The following KLF17 variants were observed in gnomAD, a reference collection of about 807,000 sequenced individuals.
The protein encoded by KLF17 is KLF transcription factor 17, also known as Krueppel-like factor 17.
KLF17 carries 31 observed loss-of-function variants against 34.2 expected under a neutral mutation model. That is an observed-to-expected ratio of 0.91 (90% CI 0.68 to 1.22). The LOEUF is 1.22. Among genes scored for constraint, KLF17 ranks in the 50% most tolerant of loss-of-function variants. The pLI is 0.00. For synonymous variants in KLF17, 179 were observed against 186.7 expected (o/e 0.96, Z 0.34); for missense variants, 478 against 505.2 (o/e 0.95, Z 0.52).
chr1:44,087,878 C>T, the KLF17 span: 1 of 153,548 alleles, frequency 6.5e-6, no homozygotes, highest in Non-Finnish European at 1.4e-5. Flanking sequence ...TGTTTAATGG[C>T]AAACCTTGGC....
At chr1:44,063,137 A>G in the KLF17 span, among the ~76,000 whole-genome samples, 1 of 152,214 alleles carries the variant, frequency 6.6e-6, no homozygotes, top group Non-Finnish European at 1.5e-5. Flanking sequence ...GAGGTCAGAT[A>G]CAAAAGAATA....
At chr1:44,060,705 A>G in the KLF17 span, among the ~76,000 whole-genome samples, 7 of 152,272 alleles carry the variant, frequency 4.6e-5, no homozygotes, top group Admixed American at 3.3e-4. Flanking sequence ...AACCCTAAAG[A>G]ACCCTAAAGA....
chr1:44,073,712 C>T, the KLF17 span, among the ~76,000 whole-genome samples: 1 of 152,076 alleles, frequency 6.6e-6, no homozygotes, highest in Non-Finnish European at 1.5e-5. Flanking sequence ...CTGCTGCACT[C>T]CCCTGGGGAG....
intron 1 of KLF17, chr1:44,122,135 CAG>C: frequency 1.4e-6 from 2 of 1,456,372 alleles, no homozygotes; most frequent in Admixed American, 3.6e-5. Context: ...GACTTTGAAA[CAG>C]TAATCCTGAG....
the KLF17 span, among the ~76,000 whole-genome samples, chr1:44,098,358 T>A: frequency 6.6e-6 from 1 of 152,028 alleles, no homozygotes; most frequent in Non-Finnish European, 1.5e-5. Flanking sequence ...CTTTTTTAAT[T>A]AGTCTATCTA....
the KLF17 span, chr1:44,048,229 T>C: frequency 1.3e-5 from 2 of 152,016 alleles, no homozygotes; most frequent in Non-Finnish European, 2.9e-5. Context: ...TAGACTAAGG[T>C]GACTTAAGTA....
intron 1 of KLF17, 143 bp downstream of exon 1, chr1:44,119,131 G>A: frequency 2.7e-6 from 1 of 367,214 alleles, no homozygotes; most frequent in South Asian, 2.9e-5. Flanking sequence ...GCAAAGGAAG[G>A]AATGGGAGAT....
At chr1:44,121,136 G>T (rs927106958) in intron 1 of KLF17, among the ~76,000 whole-genome samples, 7 of 152,048 alleles carry the variant, frequency 4.6e-5, no homozygotes, top group African/African-American at 1.7e-4. Context: ...TTTCTTTTGA[G>T]ACAGGGTCTT....
the KLF17 span, among the ~76,000 whole-genome samples, chr1:44,063,152 C>G: frequency 3.5e-4 from 53 of 152,142 alleles, no homozygotes; most frequent in African/African-American, 1.2e-3. Flanking sequence ...AGAATACACA[C>G]TGTATGATTG....
the KLF17 span, chr1:44,104,456 G>C: frequency 6.2e-6 from 5 of 802,422 alleles, no homozygotes; most frequent in African/African-American, 8.4e-5. Flanking sequence ...GCACCTTGTC[G>C]ATGAAGGAGG....
At chr1:44,115,023 A>T (rs1028978797), upstream of KLF17, 1 of 152,230 alleles carries the variant, frequency 6.6e-6, no homozygotes, top group Non-Finnish European at 1.5e-5. Flanking sequence ...TATTAGACAC[A>T]TCCAAGTTTA....
At chr1:44,094,037 A>G in the KLF17 span, among the ~76,000 whole-genome samples, 1 of 152,222 alleles carries the variant, frequency 6.6e-6, no homozygotes, top group Non-Finnish European at 1.5e-5. Context: ...TTTTGATCAA[A>G]CAATATTCGC....
chr1:44,106,345 T>A, the KLF17 span: 11 of 152,614 alleles, frequency 7.2e-5, no homozygotes, highest in African/African-American at 2.4e-4. Flanking sequence ...ATCGCTATCT[T>A]CATTTCTGTC....
chr1:44,052,903 A>AT, the KLF17 span, among the ~76,000 whole-genome samples: 4,511 of 140,828 alleles, frequency 0.032, 59 homozygotes, highest in Middle Eastern at 0.1. Flanking sequence ...CCTAGGCAGG[A>AT]TTTTTTTTTT....
At chr1:44,114,226 C>T (rs2087860417), upstream of KLF17, 1 of 152,166 alleles carries the variant, frequency 6.6e-6, no homozygotes, top group African/African-American at 2.4e-5. Context: ...GAAACTAATC[C>T]TCTGAGGTGC....
chr1:44,122,286 A>T, intron 1 of KLF17: 1 of 1,602,606 alleles, frequency 6.2e-7, no homozygotes, highest in Non-Finnish European at 8.5e-7. Flanking sequence ...TAGTGTATCC[A>T]GAGGTAAACT....
the KLF17 span, among the ~76,000 whole-genome samples, chr1:44,090,709 C>T: frequency 6.6e-6 from 1 of 152,094 alleles, no homozygotes; most frequent in Non-Finnish European, 1.5e-5. Context: ...GAGACAACCT[C>T]AGAAAAGTCG....
intron 1 of KLF17, among the ~76,000 whole-genome samples, chr1:44,127,168 C>T (rs145639603): frequency 3.2e-4 from 48 of 151,982 alleles, no homozygotes; most frequent in African/African-American, 1.1e-3. Flanking sequence ...CTGGGCCTCC[C>T]AAAGAGCTAG....
chr1:44,048,599 GGTTACAA>G, the KLF17 span: 1 of 152,136 alleles, frequency 6.6e-6, no homozygotes, highest in Admixed American at 6.5e-5. Context: ...TAAGCTAGTT[GGTTACAA>G]ATGAATATTT....
Sources: gnomAD v4.1 joint callset for allele counts (sites outside exome capture counted in the v4.1 genomes callset) on GRCh38, gnomAD v4.1.1 for gene constraint, MANE v1.5 for transcripts, NCBI Gene and HGNC (gene_info 2026-07-23, HGNC 2026-07-21) for gene names.